Variants in SYNJ1 observed in about 807,000 individuals in gnomAD.
The protein encoded by SYNJ1 is polyphosphatidylinositol phosphatase SYNJ1.
A neutral mutation model predicts 168.2 loss-of-function variants in SYNJ1; 78 were observed. The observed-to-expected ratio is 0.46, with a 90% CI of 0.39 to 0.56. The LOEUF (loss-of-function observed/expected upper bound fraction) is 0.56. Among genes scored for constraint, SYNJ1 ranks in the 20% least tolerant of loss-of-function variants. The probability of loss-of-function intolerance (pLI) is 0.00; values close to 1 mark genes in which losing one functional copy is unlikely to be tolerated. For missense variants in SYNJ1, 1,303 were observed against 1,597.6 expected (o/e 0.82, Z 3.14); for synonymous variants, 539 against 548.6 (o/e 0.98, Z 0.24).
chr21:32,681,459 AG>A (rs768864182), intron 11 of SYNJ1, 36 bp downstream of exon 11: 15 of 1,554,530 alleles, frequency 9.6e-6, no homozygotes, highest in Non-Finnish European at 1.3e-5. Context: ...GAGGAAAAAG[AG>A]GATATTCTGT....
intron 2 of SYNJ1, among the ~76,000 whole-genome samples, chr21:32,720,005 C>T (rs2043163368): frequency 6.6e-6 from 1 of 151,856 alleles, no homozygotes; most frequent in Non-Finnish European, 1.5e-5. Flanking sequence ...TTTGGAAGGC[C>T]GAGGTGGGCA....
At chr21:32,663,517 A>G (rs1301712702) in intron 18 of SYNJ1, among the ~76,000 whole-genome samples, 1 of 152,206 alleles carries the variant, frequency 6.6e-6, no homozygotes, top group Non-Finnish European at 1.5e-5. Context: ...CAACCAGTGG[A>G]CAGGTAGTTG....
Position 32,685,733 on chromosome 21 carries a change from AC to A in SYNJ1, c.1118+14del. On this transcript the variant is annotated intron_variant, in intron 9 of 32. Transcript: ENST00000674351. The stretch of plus-strand genomic sequence containing the variant: ...ATGTTCCAATTCAAAGAACAGAGAA[AC>A]AGAACAGTCAAACCTTTGAACTTCA... The A allele has an allele frequency of 1.3e-6, 2 of 1,552,782 alleles. No homozygotes were observed.
At position 32,697,913 on chromosome 21, in the gene SYNJ1, G is replaced by T. The variant is rs2042267551; in HGVS notation, c.479+1925C>A. Among the ~76,000 whole-genome samples the T allele has an allele frequency of 2.6e-5, 4 of 152,136 alleles. No homozygotes were observed. In the South Asian group the frequency reaches 8.3e-4, roughly 32 times the overall value. Reference sequence around the variant, plus strand: ...TGAAAGCTTTTATCTCTCAATCTAAGAAACTTTGGGTAAAAATGAGGAGGG... The same window carrying T: ...TGAAAGCTTTTATCTCTCAATCTAATAAACTTTGGGTAAAAATGAGGAGGG... On this transcript the variant is annotated intron_variant, in intron 4 of 32. Coordinates refer to ENST00000674351, the MANE Select transcript of SYNJ1 (RefSeq NM_203446.3).
At position 32,702,039 on chromosome 21, in the gene SYNJ1, C is replaced by T. The variant is rs2042422640; in HGVS notation, c.133G>A (p.Glu45Lys). Reference sequence around the variant, plus strand: ...TATGTACCCTTGATTGCCTCTTTTTCTGCAGATGCTACAAAAAAAAGTTTT... The same window carrying T: ...TATGTACCCTTGATTGCCTCTTTTTTTGCAGATGCTACAAAAAAAAGTTTT... ...SGAVAVLSSA[E>K]KEAIKGTYSK... The change falls in exon 3 of 33, where the codon GAA (glutamate) becomes AAA (lysine). Residue 45 changes from glutamate (E) to lysine (K), a missense_variant. Physicochemically the swap from Glu to Lys is moderately conservative, Grantham distance 56. This residue lies in a region of SYNJ1 where 920 missense variants were observed against 1,208.8 expected (regional missense o/e 0.76). Transcript: ENST00000674351. The T allele has an allele frequency of 3.2e-6, 5 of 1,549,034 alleles. No homozygotes were observed. Among genetic ancestry groups the T allele is most frequent in the Non-Finnish European group, 4.4e-6 (5 of 1,138,412 alleles).
chr21:32,685,686 C>T (rs1388050409), intron 9 of SYNJ1, 62 bp downstream of exon 9: 19 of 1,261,504 alleles, frequency 1.5e-5, no homozygotes, highest in Middle Eastern at 5.9e-4. Context: ...AAGAGTTCAA[C>T]GTTAAGAATA....
chr21:32,631,508 T>C lies in SYNJ1; in HGVS notation c.*297A>G. 6.2e-7 allele frequency: 1 copy of C among 1,614,134 alleles called. No individual in the cohort carries two copies. The highest frequency in any genetic ancestry group is 8.5e-7 in the Non-Finnish European group (1 of 1,180,010). On this transcript the variant is annotated 3_prime_UTR_variant, in exon 33 of 33. Transcript: ENST00000674351. ...CAGCAGTCCTGTCACTGAAAGGATTTGTCCTGGTCAAGCCAGTAATAAATG... is the reference window on the plus strand; with the variant it reads ...CAGCAGTCCTGTCACTGAAAGGATTCGTCCTGGTCAAGCCAGTAATAAATG...
At chr21:32,719,034 T>C (rs531033317) in intron 2 of SYNJ1, among the ~76,000 whole-genome samples, 1 of 152,352 alleles carries the variant, frequency 6.6e-6, no homozygotes, top group South Asian at 2.1e-4. Flanking sequence ...GACTATGTCA[T>C]TGGGGCAGTT....
intron 27 of SYNJ1, among the ~76,000 whole-genome samples, chr21:32,642,849 G>C (rs1225444943): frequency 6.6e-6 from 1 of 152,096 alleles, no homozygotes; most frequent in Non-Finnish European, 1.5e-5. Flanking sequence ...TTTTTGTAAA[G>C]AAATTCAAGT....
chr21:32,703,298 C>T (rs1289392592), intron 2 of SYNJ1, among the ~76,000 whole-genome samples: 1 of 152,192 alleles, frequency 6.6e-6, no homozygotes, highest in African/African-American at 2.4e-5. Flanking sequence ...ATTCGCCAAC[C>T]CGTTAAAGTG....
intron 31 of SYNJ1, among the ~76,000 whole-genome samples, chr21:32,636,627 T>G (rs1409959073): frequency 6.6e-6 from 1 of 152,074 alleles, no homozygotes; most frequent in African/African-American, 2.4e-5. Context: ...TTTTTATTAT[T>G]TTTAAAATAG....
Position 32,657,779 on chromosome 21 carries a change from G to A in SYNJ1, c.2398C>T (p.Arg800Cys), listed in dbSNP as rs1286247510. The change falls in exon 19 of 33, where the codon CGC becomes TGC. Residue 800 changes from arginine (R) to cysteine (C), a missense_variant. Around this residue, in one of 2 missense-constraint regions of SYNJ1, gnomAD observed 920 missense variants for 1,208.8 expected, o/e 0.76. Coordinates refer to ENST00000674351, the MANE Select transcript of SYNJ1 (RefSeq NM_203446.3). ...SDDYDTSEKC[R>C]TPAWTDRVLW... is the part of the protein sequence containing the mutation. Reference sequence around the variant, plus strand: ...ACACGGTCTGTCCAGGCAGGGGTGCGGCACTTTTCACTGGTGTCATAGTCG... The same window carrying A: ...ACACGGTCTGTCCAGGCAGGGGTGCAGCACTTTTCACTGGTGTCATAGTCG... 3 of 1,613,986 alleles carry A rather than the reference G, an allele frequency of 1.9e-6. No homozygotes were observed. The highest frequency in any genetic ancestry group is 2.2e-5 in the East Asian group (1 of 44,890).
intron 7 of SYNJ1, among the ~76,000 whole-genome samples, chr21:32,687,941 G>A (rs1441456996): frequency 6.6e-6 from 1 of 151,946 alleles, no homozygotes; most frequent in Non-Finnish European, 1.5e-5. Context: ...TTACTAATGA[G>A]ATACCTTACA....
rs1454342974 is a variant in SYNJ1 at position 32,681,531 on chromosome 21, A to G, written c.1318T>C (p.Tyr440His). Reference protein sequence around the residue: ...SVNGDSISKIYAGTGALEGKA... With the variant: ...SVNGDSISKIHAGTGALEGKA... ...CCTTCAAGAGCTCCAGTTCCTGCAT[A>G]TATCTTACTGATTGAATCACCATTC... The change falls in exon 11 of 33, where the codon TAT becomes CAT. Residue 440 changes from tyrosine to histidine, a missense_variant. By Grantham distance (83) the Tyr-to-His change is moderately conservative (BLOSUM62 2). Transcript: ENST00000674351. 6 of 1,613,300 alleles carry G rather than the reference A, an allele frequency of 3.7e-6. No individual in the cohort carries two copies. The highest frequency in any genetic ancestry group is 3.3e-5 in the Admixed American group (2 of 59,960).
chr21:32,635,290 A>T (rs533480536), intron 31 of SYNJ1, among the ~76,000 whole-genome samples: 175 of 152,228 alleles, frequency 1.1e-3, no homozygotes, highest in Admixed American at 3.2e-3. Flanking sequence ...AGGTAATTAG[A>T]GTTAGATGAG....
chr21:32,684,645 T>C (rs2041753401), intron 9 of SYNJ1, among the ~76,000 whole-genome samples: 1 of 152,220 alleles, frequency 6.6e-6, no homozygotes, highest in Non-Finnish European at 1.5e-5. Context: ...ATTTAAATTA[T>C]ACTAAAGCAG....
At chr21:32,709,401 C>T (rs113171118) in intron 2 of SYNJ1, among the ~76,000 whole-genome samples, 9,808 of 149,856 alleles carry the variant, frequency 0.065, 338 homozygotes, top group African/African-American at 0.083. Context: ...CACTTGAAGC[C>T]GGCAGGCGGA....
At chr21:32,663,150 A>C (rs959858926) in intron 18 of SYNJ1, among the ~76,000 whole-genome samples, 1 of 152,244 alleles carries the variant, frequency 6.6e-6, no homozygotes, top group Non-Finnish European at 1.5e-5. Context: ...ATCAATGGCC[A>C]CGAGAAGCCC....
At chr21:32,712,238 G>A (rs1351800511) in intron 2 of SYNJ1, among the ~76,000 whole-genome samples, 1 of 152,172 alleles carries the variant, frequency 6.6e-6, no homozygotes, top group African/African-American at 2.4e-5. Context: ...AGTTTGTGGT[G>A]AGCTTATTTG....
Sources: gnomAD v4.1 joint callset for allele counts (sites outside exome capture counted in the v4.1 genomes callset) on GRCh38, gnomAD v4.1.1 for gene constraint, gnomAD v4.1.1 regional missense constraint, MANE v1.5 for transcripts, NCBI Gene and HGNC (gene_info 2026-07-23, HGNC 2026-07-21) for gene names.